Variants in RSU1 observed in about 807,000 individuals in gnomAD.
RSU1 encodes the protein rsu-1.
Under a neutral mutation model 31.1 loss-of-function variants are expected in RSU1, and 26 were observed. The ratio of observed to expected loss-of-function variants is 0.84; its 90% CI spans 0.61 to 1.16. The LOEUF (loss-of-function observed/expected upper bound fraction) is 1.16, where lower values mean the gene tolerates loss of function less well. RSU1 is among the 50% of genes most tolerant of loss of function. The pLI, the probability that RSU1 is intolerant of heterozygous loss-of-function variation, is 0.00. For missense variants in RSU1, 320 were observed against 339.1 expected, an observed-to-expected ratio of 0.94 and a Z score of 0.44; for synonymous variants, 164 against 136.3, an observed-to-expected ratio of 1.20 and a Z score of -1.41.
rs748029020 is a variant in RSU1, at chr10:16,694,973, A to T, written c.731+50T>A. ...TAATATTTTTAAAGGCGTAATTATA[A>T]ATACTATAAAATCACAGTCTACTAT... On this transcript the variant is annotated intron_variant, in intron 8 of 8. Transcript: ENST00000345264. 9 of 1,516,598 alleles carry T rather than the reference A, an allele frequency of 5.9e-6. 1 individual carries two copies. In the South Asian group the frequency reaches 1.1e-4, roughly 18 times the overall value. The allele number at this position is 1,516,598 out of a possible 1,614,324, so 93.9% of individuals were successfully genotyped here. A position where few individuals can be genotyped will look rare whatever the true frequency, so the allele number is the denominator to read the frequency against.
At chr10:16,650,199 G>A (rs1277232434) in intron 8 of RSU1, among the ~76,000 whole-genome samples, 1 of 152,202 alleles carries the variant, frequency 6.6e-6, no homozygotes, top group Non-Finnish European at 1.5e-5. Context: ...AGCTCACTGA[G>A]AGGTTATTTT....
At chr10:16,601,954 G>A (rs1833721142) in intron 8 of RSU1, among the ~76,000 whole-genome samples, 1 of 152,190 alleles carries the variant, frequency 6.6e-6, no homozygotes, top group South Asian at 2.1e-4. Context: ...TAATCAGGTT[G>A]CCTTGGGCTC....
chr10:16,722,877 C>CACACATATACATATATGTATATAT (rs1836300379), intron 7 of RSU1, among the ~76,000 whole-genome samples: 11 of 140,764 alleles, frequency 7.8e-5, no homozygotes, highest in East Asian at 4.4e-4. Flanking sequence ...TGTATATATA[C>CACACATATACATATATGTATATAT]ACACATATAC....
intron 8 of RSU1, among the ~76,000 whole-genome samples, chr10:16,599,413 C>A (rs1309135073): frequency 2.6e-5 from 4 of 152,202 alleles, no homozygotes; most frequent in Non-Finnish European, 5.9e-5. Flanking sequence ...AGGGCCACTG[C>A]AGCTCTCTGC....
Position 16,695,157 on chromosome 10 carries a change from T to TGGGGG in RSU1, c.599-7_599-3dup, listed in dbSNP as rs56715139. On this transcript the variant is annotated splice_polypyrimidine_tract_variant and splice_region_variant and intron_variant, in intron 7 of 8. Transcript: ENST00000345264. ...TCTGGCCAGTTAAATCCAAGTTTCC[T>TGGGGG]GGGGGGGGGGAAAAAAAAAGTGAAG... The TGGGGG allele has an allele frequency of 2.2e-5, 26 of 1,204,566 alleles. No individual in the cohort carries two copies. Among genetic ancestry groups the TGGGGG allele is most frequent in the African/African-American group, 5.0e-5 (3 of 60,198 alleles). The allele number at this position is 1,204,566 out of a possible 1,614,324, so 74.6% of individuals were successfully genotyped here.
At chr10:16,746,164 T>C (rs887470552) in intron 7 of RSU1, among the ~76,000 whole-genome samples, 3 of 152,190 alleles carry the variant, frequency 2.0e-5, no homozygotes, top group Admixed American at 6.5e-5. Flanking sequence ...GGGATTAGTA[T>C]TTGTTTCCAC....
At chr10:16,813,662 A>C (rs1404454580) in intron 2 of RSU1, among the ~76,000 whole-genome samples, 1 of 152,230 alleles carries the variant, frequency 6.6e-6, no homozygotes, top group Non-Finnish European at 1.5e-5. Flanking sequence ...ACACAGTACT[A>C]ACTAGCAGAA....
At chr10:16,808,843 T>C (rs922013099) in intron 2 of RSU1, among the ~76,000 whole-genome samples, 1 of 152,188 alleles carries the variant, frequency 6.6e-6, no homozygotes, top group Non-Finnish European at 1.5e-5. Context: ...TATCCCAATC[T>C]GACTATTGTC....
intron 8 of RSU1, among the ~76,000 whole-genome samples, chr10:16,613,901 G>A (rs1002710560): frequency 1.3e-5 from 2 of 152,062 alleles, no homozygotes; most frequent in African/African-American, 2.4e-5. Context: ...GATCACATGT[G>A]TGTAAAAATA....
rs550151430 is a variant in RSU1, at chr10:16,749,931, C to G, written c.598+2608G>C. Among the ~76,000 whole-genome samples the G allele has an allele frequency of 3.3e-5, 5 of 152,290 alleles. No individual in the cohort carries two copies. The East Asian group carries it at 7.7e-4, about 24-fold the overall frequency. ...GTGGGAAAAAGGACCTCACCGTGAT[C>G]AGGAAGCTGGACCCAGAGGAGGGAC... is the stretch of plus-strand genomic sequence containing the variant. On this transcript the variant is annotated intron_variant, in intron 7 of 8. Coordinates refer to ENST00000345264, the MANE Select transcript of RSU1 (RefSeq NM_012425.4).
intron 8 of RSU1, among the ~76,000 whole-genome samples, chr10:16,602,485 A>T (rs1199456935): frequency 1.3e-5 from 2 of 152,214 alleles, no homozygotes; most frequent in Non-Finnish European, 2.9e-5. Context: ...AAGTTACCTC[A>T]TCTCCCATCT....
chr10:16,698,966 C>G (rs963117028), intron 7 of RSU1, among the ~76,000 whole-genome samples: 2 of 152,112 alleles, frequency 1.3e-5, no homozygotes, highest in South Asian at 2.1e-4. Context: ...CAAGTGCTTC[C>G]TAAAGCTACA....
intron 8 of RSU1, among the ~76,000 whole-genome samples, chr10:16,694,069 C>T (rs894073926): frequency 3.3e-5 from 5 of 151,796 alleles, no homozygotes; most frequent in African/African-American, 9.7e-5. Flanking sequence ...AAAATAATGA[C>T]GGTACATATA....
chr10:16,735,060 T>G (rs182332252), intron 7 of RSU1, among the ~76,000 whole-genome samples: 209 of 152,314 alleles, frequency 1.4e-3, no homozygotes, highest in African/African-American at 4.2e-3. Context: ...ACATTAGACT[T>G]CTAATCTCCA....
At chr10:16,722,780 G>A (rs1836292591) in intron 7 of RSU1, among the ~76,000 whole-genome samples, 1 of 151,298 alleles carries the variant, frequency 6.6e-6, no homozygotes, top group Admixed American at 6.6e-5. Context: ...CTGTATATAT[G>A]TGTATGTGTG....
intron 7 of RSU1, among the ~76,000 whole-genome samples, chr10:16,740,751 T>A (rs1473846463): frequency 1.3e-5 from 2 of 151,936 alleles, no homozygotes; most frequent in African/African-American, 2.4e-5. Flanking sequence ...TAGGAAAAAA[T>A]TTAGCAAAAG....
At chr10:16,595,810 A>G (rs181448340) in intron 8 of RSU1, among the ~76,000 whole-genome samples, 11 of 151,800 alleles carry the variant, frequency 7.2e-5, no homozygotes, top group Non-Finnish European at 1.5e-4. Flanking sequence ...CTACTAAAAA[A>G]AAGAAAAAAT....
chr10:16,653,009 T>C (rs7096268), intron 8 of RSU1, among the ~76,000 whole-genome samples: 37,172 of 151,832 alleles, frequency 0.24, 5,015 homozygotes, highest in East Asian at 0.31. Flanking sequence ...TTTCTTTACA[T>C]AGAGAACAGA....
At chr10:16,670,391 G>A (rs1835084604) in intron 8 of RSU1, among the ~76,000 whole-genome samples, 1 of 152,156 alleles carries the variant, frequency 6.6e-6, no homozygotes, top group African/African-American at 2.4e-5. Context: ...AGCTAGCAAT[G>A]CATACCCACA....
Sources: allele counts gnomAD v4.1 joint callset (sites outside exome capture counted in the v4.1 genomes callset), GRCh38; gene constraint gnomAD v4.1.1; transcripts MANE v1.5; gene names NCBI Gene and HGNC (gene_info 2026-07-23, HGNC 2026-07-21).